The following HS3ST2 variants were observed in gnomAD, a reference collection of about 807,000 sequenced individuals.
HS3ST2 encodes the protein heparan sulfate-glucosamine 3-sulfotransferase 2.
Under a neutral mutation model 26.3 loss-of-function variants are expected in HS3ST2, and 17 were observed. The ratio of observed to expected loss-of-function variants is 0.65; its 90% confidence interval spans 0.44 to 0.97. The LOEUF (loss-of-function observed/expected upper bound fraction) is 0.97, where lower values mean the gene tolerates loss of function less well. HS3ST2 is among the 50% of genes least tolerant of loss of function. The pLI is 0.00. For synonymous variants in HS3ST2, 237 were observed against 219.2 expected (o/e 1.08, Z -0.72); for missense variants, 402 against 501.2 (o/e 0.80, Z 1.89).
intron 1 of HS3ST2, among the ~76,000 whole-genome samples, chr16:22,833,871 G>A (rs1901211081): frequency 1.3e-5 from 2 of 151,468 alleles, no homozygotes; most frequent in South Asian, 4.2e-4. Context: ...ATCCAGCATA[G>A]CAGATAAAAG....
intron 1 of HS3ST2, among the ~76,000 whole-genome samples, chr16:22,905,094 A>G (rs1902332764): frequency 6.6e-6 from 1 of 152,260 alleles, no homozygotes; most frequent in Non-Finnish European, 1.5e-5. Flanking sequence ...TTGGTTGCCC[A>G]GTTAGAAGCC....
intron 1 of HS3ST2, among the ~76,000 whole-genome samples, chr16:22,911,869 C>T (rs182149817): frequency 6.6e-6 from 1 of 152,312 alleles, no homozygotes; most frequent in East Asian, 1.9e-4. Flanking sequence ...ACACCGTAAT[C>T]CCAGCACTTT....
chr16:22,884,606 G>A (rs1317374536), intron 1 of HS3ST2, among the ~76,000 whole-genome samples: 1 of 150,336 alleles, frequency 6.7e-6, no homozygotes, highest in Non-Finnish European at 1.5e-5. Flanking sequence ...GAACTGGATG[G>A]CCTTGGGTAA....
chr16:22,817,428 GT>G (rs1900887134), intron 1 of HS3ST2, among the ~76,000 whole-genome samples: 1 of 152,114 alleles, frequency 6.6e-6, no homozygotes, highest in Non-Finnish European at 1.5e-5. Context: ...TCTGTGCAGG[GT>G]AATACTACCC....
intron 1 of HS3ST2, among the ~76,000 whole-genome samples, chr16:22,891,062 A>G (rs1902121389): frequency 6.6e-6 from 1 of 152,228 alleles, no homozygotes; most frequent in African/African-American, 2.4e-5. Context: ...CAGATGTGCT[A>G]TGGTGAAATG....
chr16:22,914,994 C>T lies in HS3ST2; in HGVS notation c.536C>T (p.Pro179Leu). The T allele has an allele frequency of 6.2e-7, 1 of 1,613,926 alleles. No homozygotes were observed. The change falls in exon 2 of 2, where the codon CCC (proline) becomes CTC (leucine). Residue 179 changes from proline to leucine, a missense_variant. Pro to Leu is a moderately conservative substitution (Grantham distance 98). Around this residue, in one of 2 missense-constraint regions of HS3ST2, gnomAD observed 237 missense variants for 346.6 expected, o/e 0.68. Coordinates refer to ENST00000261374, the MANE Select transcript of HS3ST2 (RefSeq NM_006043.2). Reference sequence around the variant, plus strand: ...AGCCAGATCACGCTGGAGAAGACGCCCAGCTACTTTGTCACTCAAGAGGCT... The same window carrying T: ...AGCCAGATCACGCTGGAGAAGACGCTCAGCTACTTTGTCACTCAAGAGGCT... ...LESQITLEKT[P>L]SYFVTQEAPR...
intron 1 of HS3ST2, among the ~76,000 whole-genome samples, chr16:22,831,877 A>C (rs1901175541): frequency 6.6e-6 from 1 of 152,150 alleles, no homozygotes; most frequent in African/African-American, 2.4e-5. Flanking sequence ...TCTGTACCTG[A>C]TTGTGGTGGT....
intron 1 of HS3ST2, among the ~76,000 whole-genome samples, chr16:22,875,175 T>A (rs1324410777): frequency 1.3e-5 from 2 of 151,942 alleles, no homozygotes; most frequent in Non-Finnish European, 2.9e-5. Context: ...ATTAAAAAAA[T>A]TAAAAATAGA....
intron 1 of HS3ST2, among the ~76,000 whole-genome samples, chr16:22,914,566 A>G (rs1210926073): frequency 1.3e-5 from 2 of 151,754 alleles, no homozygotes; most frequent in African/African-American, 4.8e-5. Context: ...TTAGCCAGGC[A>G]TGATGGCACA....
chr16:22,914,771 A>AAAG (rs1902470785), intron 1 of HS3ST2, among the ~76,000 whole-genome samples, 173 bp from the exon 2 acceptor site: 1 of 149,270 alleles, frequency 6.7e-6, no homozygotes, highest in African/African-American at 2.5e-5. Context: ...AAAAGAGAAG[A>AAAG]AAAGAAAATC....
At chr16:22,839,490 CACA>C (rs1398723991) in intron 1 of HS3ST2, among the ~76,000 whole-genome samples, 2 of 152,220 alleles carry the variant, frequency 1.3e-5, no homozygotes, top group Admixed American at 1.3e-4. Flanking sequence ...AGCAGCATTT[CACA>C]ACGTTTTTTT....
chr16:22,870,897 C>T lies in HS3ST2; in HGVS notation c.486-44047C>T, dbSNP rs74516566. Among the ~76,000 whole-genome samples the T allele has an allele frequency of 2.7e-3, 415 of 152,188 alleles. 2 individuals are homozygous for T. Among genetic ancestry groups the T allele is most frequent in the African/African-American group, 8.8e-3 (367 of 41,504 alleles). ...GTTTAACTGTTAGATATAGATGATC[C>T]GTAACTTACAATGGTTCAACTTAAG... On this transcript the variant is annotated intron_variant, in intron 1 of 1. Coordinates refer to ENST00000261374, the MANE Select transcript of HS3ST2 (RefSeq NM_006043.2).
At chr16:22,838,299 T>C (rs771559590) in intron 1 of HS3ST2, among the ~76,000 whole-genome samples, 4 of 152,012 alleles carry the variant, frequency 2.6e-5, no homozygotes, top group Non-Finnish European at 4.4e-5. Flanking sequence ...TTTTGAAGGC[T>C]CCCTTTTGGA....
chr16:22,892,146 C>T (rs866460388), intron 1 of HS3ST2, among the ~76,000 whole-genome samples: 2 of 150,458 alleles, frequency 1.3e-5, no homozygotes, highest in Non-Finnish European at 3.0e-5. Context: ...AAAAGTTAGC[C>T]GGGCGTGGTG....
intron 1 of HS3ST2, among the ~76,000 whole-genome samples, chr16:22,898,480 A>G (rs1053729568): frequency 5.3e-5 from 8 of 152,164 alleles, no homozygotes; most frequent in Non-Finnish European, 8.8e-5. Flanking sequence ...TCTAACTGAG[A>G]CCTGAGCATG....
At chr16:22,903,917 T>A (rs2141205406) in intron 1 of HS3ST2, among the ~76,000 whole-genome samples, 1 of 152,268 alleles carries the variant, frequency 6.6e-6, no homozygotes, top group Admixed American at 6.5e-5. Flanking sequence ...CCCCATGTGG[T>A]TTATGCTCCA....
chr16:22,858,031 C>T (rs745909120), intron 1 of HS3ST2, among the ~76,000 whole-genome samples: 47 of 151,902 alleles, frequency 3.1e-4, no homozygotes, highest in Non-Finnish European at 6.0e-4. Context: ...TGCCAGCCGC[C>T]GTGCTAGACC....
rs910340909 is a variant in HS3ST2 at position 22,821,902 on chromosome 16, G to A, written c.485+6807G>A. 2.0e-5 allele frequency among the ~76,000 whole-genome samples: 3 copies of A among 152,180 alleles called. No homozygotes were observed. In the South Asian group the frequency reaches 6.2e-4, roughly 32 times the overall value. ...TTTGGGCTTGGGTGATCTGGAGCCG[G>A]AGCATCACGTGGATTTCCTGGGCAT... is the stretch of plus-strand genomic sequence containing the variant. On this transcript the variant is annotated intron_variant, in intron 1 of 1. Coordinates refer to ENST00000261374, the MANE Select transcript of HS3ST2 (RefSeq NM_006043.2).
intron 1 of HS3ST2, among the ~76,000 whole-genome samples, chr16:22,913,869 G>C (rs972855434): frequency 4.6e-5 from 7 of 152,106 alleles, no homozygotes; most frequent in African/African-American, 1.7e-4. Context: ...AGGCATGGTG[G>C]CTTACACCTG....
Sources: gnomAD v4.1 joint callset for allele counts (sites outside exome capture counted in the v4.1 genomes callset) on GRCh38, gnomAD v4.1.1 for gene constraint, gnomAD v4.1.1 regional missense constraint, MANE v1.5 for transcripts, NCBI Gene and HGNC (gene_info 2026-07-23, HGNC 2026-07-21) for gene names.